Variants in LAMA3 observed in about 807,000 individuals in gnomAD.
LAMA3 encodes the protein laminin subunit alpha-3.
LAMA3 carries 281 observed loss-of-function variants against 402.0 expected under a neutral mutation model. The ratio of observed to expected loss-of-function variants is 0.70; its 90% CI spans 0.63 to 0.77. The LOEUF is 0.77. Among genes scored for constraint, LAMA3 ranks in the 30% least tolerant of loss-of-function variants. LAMA3 has a pLI of 0.00. For missense variants in LAMA3, 3,840 were observed against 4,215.5 expected, an observed-to-expected ratio of 0.91 and a Z score of 2.47; for synonymous variants, 1,431 against 1,558.4, an observed-to-expected ratio of 0.92 and a Z score of 1.93.
chr18:23,901,945 C>T (rs1447334448), intron 48 of LAMA3, among the ~76,000 whole-genome samples: 1 of 152,240 alleles, frequency 6.6e-6, no homozygotes, highest in Non-Finnish European at 1.5e-5. Flanking sequence ...CCACTCGCCT[C>T]AGCCTCCCAA....
chr18:23,839,242 C>G lies in LAMA3; in HGVS notation c.3191+364C>G, dbSNP rs780907128. ...ATGAAAATAATGACCTATCTCATAA[C>G]TATGTGATGAGAATCAGCTAACTAA... is the stretch of plus-strand genomic sequence containing the variant. On this transcript the variant is annotated intron_variant, in intron 26 of 74. Transcript: ENST00000313654. This position sits in a 1 kb window ranked among gnomAD's most constrained non-coding sequence, Gnocchi z 4.5. Among the ~76,000 whole-genome samples, 27 of 152,140 alleles carry G rather than the reference C, an allele frequency of 1.8e-4. No individual in the cohort carries two copies. The highest frequency in any genetic ancestry group is 2.9e-4 in the Non-Finnish European group (20 of 68,040).
intron 1 of LAMA3, among the ~76,000 whole-genome samples, chr18:23,706,011 C>T (rs1568096277): frequency 6.6e-6 from 1 of 152,092 alleles, no homozygotes; most frequent in Non-Finnish European, 1.5e-5. Context: ...TTTATTACAT[C>T]TGTACGTATT....
chr18:23,748,082 G>A (rs754368283), intron 3 of LAMA3, 22 bp downstream of exon 3: 5 of 1,220,770 alleles, frequency 4.1e-6, no homozygotes, highest in Non-Finnish European at 4.9e-6. Context: ...TGCCTACCAT[G>A]TTATGCATGG....
intron 8 of LAMA3, among the ~76,000 whole-genome samples, chr18:23,772,136 G>A (rs1168686221): frequency 1.3e-5 from 2 of 151,736 alleles, no homozygotes; most frequent in Non-Finnish European, 2.9e-5. Context: ...CTGCCTCCTG[G>A]GTTCAAGCAA....
At chr18:23,800,696 G>T (rs61466453) in intron 12 of LAMA3, among the ~76,000 whole-genome samples, 1 of 152,058 alleles carries the variant, frequency 6.6e-6, no homozygotes, top group African/African-American at 2.4e-5. Flanking sequence ...CTACACTTCT[G>T]AGCCTCTGTT....
intron 23 of LAMA3, among the ~76,000 whole-genome samples, chr18:23,830,941 G>A (rs560554715): frequency 1.3e-5 from 2 of 152,002 alleles, no homozygotes; most frequent in South Asian, 2.1e-4. Flanking sequence ...ACTCCATTTC[G>A]GTATTCCCTA....
At chr18:23,740,540 T>G (rs2061544855) in intron 2 of LAMA3, among the ~76,000 whole-genome samples, 1 of 152,118 alleles carries the variant, frequency 6.6e-6, no homozygotes, top group African/African-American at 2.4e-5. Flanking sequence ...TATTAGAAAG[T>G]GAGACACTCT....
At position 23,848,378 on chromosome 18, in the gene LAMA3, G is replaced by A. The variant is rs535670431; in HGVS notation, c.4136+710G>A. Among the ~76,000 whole-genome samples the A allele has an allele frequency of 1.8e-4, 27 of 152,302 alleles. No homozygotes were observed. In the East Asian group the frequency reaches 2.1e-3, roughly 12 times the overall value. On this transcript the variant is annotated intron_variant, in intron 32 of 74. Coordinates refer to ENST00000313654, the MANE Select transcript of LAMA3 (RefSeq NM_198129.4). ...GAGGCTGCATTGGAATGTGGAGGCC[G>A]GTGTCACATGGTTCCAGGTGACAAG... is the stretch of plus-strand genomic sequence containing the variant.
rs748821806 is a variant in LAMA3 at position 23,833,846 on chromosome 18, C to T, written c.2842C>T (p.Leu948=). 1 of 1,613,368 alleles carries T rather than the reference C, an allele frequency of 6.2e-7. No individual in the cohort carries two copies. The highest frequency in any genetic ancestry group is 1.7e-5 in the Admixed American group (1 of 60,028). The change falls in exon 24 of 75, where the codon CTG becomes TTG. Residue 948 remains leucine (L), a synonymous_variant. Transcript: ENST00000313654. ...GTGACAGGTGGAATTGCATCTGCGG[C>T]TGCGCATCCCACAGGTTGGCCACTA... is the stretch of plus-strand genomic sequence containing the variant. ...SGREVELHLR[L]RIPQVGHYVV...
chr18:23,740,142 TCAGAGCTGTTG>T (rs1030286971), intron 2 of LAMA3, among the ~76,000 whole-genome samples: 4 of 152,190 alleles, frequency 2.6e-5, no homozygotes, highest in South Asian at 2.1e-4. Context: ...GAAATTGAGC[TCAGAGCTGTTG>T]GGTTCCGGCA....
Position 23,839,013 on chromosome 18 carries a change from G to A in LAMA3, c.3191+135G>A, listed in dbSNP as rs2063642042. On this transcript the variant is annotated intron_variant, in intron 26 of 74. Transcript: ENST00000313654. This position sits in a 1 kb window ranked among gnomAD's most constrained non-coding sequence, Gnocchi z 4.5. ...AAAGTCTGGTGGTGGATTTAAAACA[G>A]AAAGAAAAACCAGCTAAATAATTTA... 1.4e-6 allele frequency: 1 copy of A among 703,934 alleles called. No individual in the cohort carries two copies. Among genetic ancestry groups the A allele is most frequent in the Non-Finnish European group, 2.6e-6 (1 of 385,004 alleles). The allele number at this position is 703,934 out of a possible 1,614,324, so 43.6% of individuals were successfully genotyped here.
chr18:23,762,159 T>G (rs2061982369), intron 7 of LAMA3, among the ~76,000 whole-genome samples: 1 of 152,006 alleles, frequency 6.6e-6, no homozygotes, highest in Admixed American at 6.5e-5. Context: ...GAGACTGTGG[T>G]GAGCCGTGAC....
chr18:23,729,625 T>C (rs1250424925), intron 2 of LAMA3, among the ~76,000 whole-genome samples: 1 of 152,260 alleles, frequency 6.6e-6, no homozygotes, highest in Non-Finnish European at 1.5e-5. Context: ...ATTATATATA[T>C]ATATGGCAGA....
chr18:23,826,612 A>T (rs1273884387), intron 21 of LAMA3, 90 bp from the exon 22 acceptor site: 11 of 962,340 alleles, frequency 1.1e-5, no homozygotes, highest in Non-Finnish European at 1.8e-5. Context: ...CCTGGTTATT[A>T]TTGATTTAAC....
chr18:23,725,165 A>G (rs1479124787), intron 2 of LAMA3, among the ~76,000 whole-genome samples: 4 of 151,214 alleles, frequency 2.6e-5, no homozygotes. Flanking sequence ...GCTAGAGTGC[A>G]GTGGCACGAT....
At chr18:23,885,137 C>T (rs924876954) in intron 41 of LAMA3, among the ~76,000 whole-genome samples, 17 of 151,152 alleles carry the variant, frequency 1.1e-4, no homozygotes, top group Admixed American at 4.0e-4. Context: ...CTGTGTACCT[C>T]AACCCCCGAC....
intron 7 of LAMA3, 46 bp from the exon 8 acceptor site, chr18:23,763,359 C>A: frequency 8.7e-7 from 1 of 1,154,002 alleles, no homozygotes; most frequent in South Asian, 1.2e-5. Flanking sequence ...TACTAAGCGT[C>A]TGATAGTAAT....
chr18:23,712,007 C>T (rs958390686), intron 1 of LAMA3, among the ~76,000 whole-genome samples: 6 of 152,120 alleles, frequency 3.9e-5, no homozygotes, highest in Non-Finnish European at 8.8e-5. Flanking sequence ...ACTAAATGTT[C>T]TGGTAAAATG....
At chr18:23,831,161 C>G (rs949809604) in intron 23 of LAMA3, among the ~76,000 whole-genome samples, 3 of 152,156 alleles carry the variant, frequency 2.0e-5, no homozygotes, top group Admixed American at 1.3e-4. Flanking sequence ...CTAGCTGACC[C>G]ACGTCTGCTC....
Sources: allele counts gnomAD v4.1 joint callset (sites outside exome capture counted in the v4.1 genomes callset), GRCh38; gene constraint gnomAD v4.1.1; non-coding constraint Gnocchi (gnomAD v3.1); transcripts MANE v1.5; gene names NCBI Gene and HGNC (gene_info 2026-07-23, HGNC 2026-07-21).